The following NCOA1 variants were observed in gnomAD, a reference collection of about 807,000 sequenced individuals.
The protein encoded by NCOA1 is nuclear receptor coactivator 1, also known as Hin-2 protein.
Under a neutral mutation model 150.9 loss-of-function variants are expected in NCOA1, and 35 were observed. The ratio of observed to expected loss-of-function variants is 0.23; its 90% CI spans 0.18 to 0.31. The LOEUF is 0.31. Ranked by LOEUF, NCOA1 falls within the 10% of genes least tolerant of loss-of-function variation. The pLI, the probability that NCOA1 is intolerant of heterozygous loss-of-function variation, is 1.00. For synonymous variants in NCOA1, 590 were observed against 630.0 expected, an observed-to-expected ratio of 0.94 and a Z score of 0.95; for missense variants, 1,491 against 1,749.3, an observed-to-expected ratio of 0.85 and a Z score of 2.63.
At chr2:24,665,651 A>ACCC (rs1671385320) in intron 5 of NCOA1, 98 bp from the exon 6 acceptor site, 1 of 983,078 alleles carries the variant, frequency 1.0e-6, no homozygotes, top group Non-Finnish European at 1.4e-6. Context: ...TTTCGATAAA[A>ACCC]ATAAAGATCT....
intron 3 of NCOA1, among the ~76,000 whole-genome samples, chr2:24,595,312 CTATT>C (rs1667842415): frequency 6.6e-6 from 1 of 151,950 alleles, no homozygotes. Context: ...GTATTGAATT[CTATT>C]TAAATTTACA....
chr2:24,608,245 CCTA>C (rs557625120), intron 3 of NCOA1, among the ~76,000 whole-genome samples: 27 of 127,550 alleles, frequency 2.1e-4, no homozygotes, highest in Non-Finnish European at 2.9e-4. Context: ...ACCCAGTTCC[CCTA>C]TTATTATTAT....
At chr2:24,646,574 A>G (rs1043229776) in intron 4 of NCOA1, among the ~76,000 whole-genome samples, 1 of 152,172 alleles carries the variant, frequency 6.6e-6, no homozygotes, top group African/African-American at 2.4e-5. Context: ...TGATAGTGAC[A>G]TTGGAGAAGA....
chr2:24,532,343 T>C (rs1029004677), intron 1 of NCOA1, among the ~76,000 whole-genome samples: 4 of 152,224 alleles, frequency 2.6e-5, no homozygotes, highest in African/African-American at 9.6e-5. Flanking sequence ...TTGTAGATTC[T>C]GGATATTAGC....
intron 20 of NCOA1, among the ~76,000 whole-genome samples, chr2:24,755,378 A>G (rs1265212797): frequency 6.6e-6 from 1 of 152,252 alleles, no homozygotes; most frequent in Non-Finnish European, 1.5e-5. Flanking sequence ...ATTTTAAAGG[A>G]TAAGAAGTCC....
Position 24,752,165 on chromosome 2 carries a change from G to A in NCOA1, c.3881+9G>A. 6.2e-7 allele frequency: 1 copy of A among 1,612,744 alleles called. No homozygotes were observed. Among genetic ancestry groups the A allele is most frequent in the Non-Finnish European group, 8.5e-7 (1 of 1,179,162 alleles). ...GCGATAGGAAACAACAAGTAAGGGG[G>A]CAGTTTTTATATATGAGCATCCTTG... On this transcript the variant is annotated intron_variant, in intron 20 of 22. Coordinates refer to ENST00000348332, the MANE Select transcript of NCOA1 (RefSeq NM_003743.5).
intron 3 of NCOA1, among the ~76,000 whole-genome samples, chr2:24,635,698 C>T (rs1257307846): frequency 6.6e-6 from 1 of 152,022 alleles, no homozygotes; most frequent in African/African-American, 2.4e-5. Context: ...TCATCCCCTA[C>T]GAAATGTTTT....
At chr2:24,627,474 GT>G (rs1273557369) in intron 3 of NCOA1, among the ~76,000 whole-genome samples, 1 of 152,194 alleles carries the variant, frequency 6.6e-6, no homozygotes, top group African/African-American at 2.4e-5. Context: ...GTCGTTGTCA[GT>G]TAGCAGTGTG....
intron 3 of NCOA1, among the ~76,000 whole-genome samples, chr2:24,619,517 G>A (rs1399647710): frequency 6.6e-6 from 1 of 152,184 alleles, no homozygotes; most frequent in Non-Finnish European, 1.5e-5. Context: ...AATATAGCCT[G>A]TGAACTCAGT....
chr2:24,539,035 G>T (rs942252887), intron 1 of NCOA1, among the ~76,000 whole-genome samples: 1 of 152,210 alleles, frequency 6.6e-6, no homozygotes, highest in African/African-American at 2.4e-5. Context: ...TTCTTAACGT[G>T]TAAAAGTTAG....
intron 14 of NCOA1, among the ~76,000 whole-genome samples, chr2:24,726,119 A>C (rs372461678): frequency 4.6e-5 from 7 of 152,164 alleles, no homozygotes; most frequent in East Asian, 1.9e-4. Flanking sequence ...AAGATTAGCA[A>C]CTGTAGAGCT....
At chr2:24,640,641 AT>A (rs1490574679) in intron 3 of NCOA1, among the ~76,000 whole-genome samples, 4 of 152,160 alleles carry the variant, frequency 2.6e-5, no homozygotes, top group African/African-American at 9.7e-5. Context: ...CTCTAAAACA[AT>A]TAAAAATTTC....
At chr2:24,501,417 AGT>A (rs1338189678) in intron 1 of NCOA1, among the ~76,000 whole-genome samples, 1 of 152,214 alleles carries the variant, frequency 6.6e-6, no homozygotes, top group Non-Finnish European at 1.5e-5. Flanking sequence ...CACCAAAAGT[AGT>A]GAGTGGTATT....
chr2:24,686,748 A>C (rs138901801), intron 8 of NCOA1, among the ~76,000 whole-genome samples: 1 of 152,136 alleles, frequency 6.6e-6, no homozygotes. Flanking sequence ...AATCGAATTA[A>C]TCTTGTGAAA....
At chr2:24,581,313 A>C (rs13004818) in intron 2 of NCOA1, among the ~76,000 whole-genome samples, 78,472 of 152,124 alleles carry the variant, frequency 0.52, 21,870 homozygotes, top group Admixed American at 0.67. Flanking sequence ...TCTCATTATC[A>C]CGTGGCAGGG....
At chr2:24,731,982 AAAAGT>A (rs946645618) in intron 17 of NCOA1, among the ~76,000 whole-genome samples, 6 of 152,352 alleles carry the variant, frequency 3.9e-5, no homozygotes, top group Admixed American at 1.3e-4. Context: ...GCTAAACCAA[AAAAGT>A]AAAGGAAAGT....
intron 14 of NCOA1, among the ~76,000 whole-genome samples, chr2:24,718,947 T>G (rs1350355706): frequency 5.6e-5 from 8 of 142,234 alleles, no homozygotes; most frequent in Non-Finnish European, 3.0e-5. Context: ...GAAAATCACT[T>G]GAACCTGGGA....
At chr2:24,747,958 T>C (rs1369872000) in intron 19 of NCOA1, among the ~76,000 whole-genome samples, 1 of 151,876 alleles carries the variant, frequency 6.6e-6, no homozygotes, top group Non-Finnish European at 1.5e-5. Context: ...AATACAAAAG[T>C]AGCTGGGCGT....
intron 1 of NCOA1, among the ~76,000 whole-genome samples, chr2:24,533,541 G>T (rs1053399069): frequency 1.3e-5 from 2 of 152,142 alleles, no homozygotes; most frequent in African/African-American, 4.8e-5. Flanking sequence ...CAAAGGGAAT[G>T]CTTCCAGTTT....
Sources: gnomAD v4.1 joint callset for allele counts (sites outside exome capture counted in the v4.1 genomes callset) on GRCh38, gnomAD v4.1.1 for gene constraint, MANE v1.5 for transcripts, NCBI Gene and HGNC (gene_info 2026-07-23, HGNC 2026-07-21) for gene names.